COL25A1: variants seen among roughly 807,000 people sequenced by gnomAD.
COL25A1 encodes collagen alpha-1(XXV) chain.
COL25A1 carries 103 observed loss-of-function variants against 128.4 expected under a neutral mutation model. The ratio of observed to expected loss-of-function variants is 0.80; its 90% CI spans 0.68 to 0.94. The LOEUF (loss-of-function observed/expected upper bound fraction) is 0.94, where lower values mean the gene tolerates loss of function less well. Ranked by LOEUF, COL25A1 falls within the 40% of genes least tolerant of loss-of-function variation. The pLI, the probability that COL25A1 is intolerant of heterozygous loss-of-function variation, is 0.00. For synonymous variants in COL25A1, 279 were observed against 277.2 expected (o/e 1.01, Z -0.06); for missense variants, 745 against 840.0 (o/e 0.89, Z 1.40).
intron 3 of COL25A1, among the ~76,000 whole-genome samples, chr4:109,206,180 T>C (rs1776978977): frequency 6.6e-6 from 1 of 152,216 alleles, no homozygotes; most frequent in Non-Finnish European, 1.5e-5. Context: ...ATCCTTCTAC[T>C]GTACACACCT....
At chr4:109,293,106 G>A (rs576013015) in intron 3 of COL25A1, among the ~76,000 whole-genome samples, 24 of 152,056 alleles carry the variant, frequency 1.6e-4, no homozygotes, top group Admixed American at 1.4e-3. Context: ...CTTAACCTTT[G>A]ACAGCTCCCA....
chr4:109,048,075 G>C, intron 5 of COL25A1, 93 bp downstream of exon 5: 1 of 1,353,208 alleles, frequency 7.4e-7, no homozygotes, highest in Non-Finnish European at 1.1e-6. Context: ...TTTTCTAATA[G>C]ACATAGAGAC....
intron 3 of COL25A1, among the ~76,000 whole-genome samples, chr4:109,111,918 C>T (rs1424651092): frequency 6.6e-6 from 1 of 152,036 alleles, no homozygotes; most frequent in Non-Finnish European, 1.5e-5. Flanking sequence ...TAGCATTTTT[C>T]TCCAGTGAAT....
chr4:109,099,036 C>A (rs534010180), intron 3 of COL25A1, among the ~76,000 whole-genome samples: 114 of 152,294 alleles, frequency 7.5e-4, no homozygotes, highest in African/African-American at 2.7e-3. Context: ...GCATTCAGGG[C>A]ATGTAGGGCA....
intron 11 of COL25A1, among the ~76,000 whole-genome samples, chr4:108,922,214 C>T (rs1745568749): frequency 6.6e-6 from 1 of 152,040 alleles, no homozygotes; most frequent in Non-Finnish European, 1.5e-5. Context: ...AGTAAATGTT[C>T]GTGCTAAGTA....
chr4:109,229,021 G>C (rs1401772695), intron 3 of COL25A1, among the ~76,000 whole-genome samples: 2 of 152,140 alleles, frequency 1.3e-5, no homozygotes, highest in Non-Finnish European at 2.9e-5. Flanking sequence ...CAGATCTAGA[G>C]AAGTAGCAAA....
intron 3 of COL25A1, among the ~76,000 whole-genome samples, chr4:109,179,816 G>A (rs541758694): frequency 6.6e-6 from 1 of 152,230 alleles, no homozygotes; most frequent in East Asian, 1.9e-4. Flanking sequence ...TATGTTTCTT[G>A]TTATTTAATC....
chr4:109,069,966 TA>T (rs1267873618), intron 3 of COL25A1, among the ~76,000 whole-genome samples: 1 of 82,694 alleles, frequency 1.2e-5, no homozygotes, highest in African/African-American at 3.6e-5. Context: ...AGAAGAGCAA[TA>T]ATTTTTTTTT....
chr4:109,212,580 A>T (rs1432073763), intron 3 of COL25A1, among the ~76,000 whole-genome samples: 1 of 152,156 alleles, frequency 6.6e-6, no homozygotes, highest in African/African-American at 2.4e-5. Flanking sequence ...ACTCCATTTC[A>T]TGATATGAAG....
chr4:108,909,109 A>G (rs978839252), intron 13 of COL25A1, among the ~76,000 whole-genome samples: 20 of 152,170 alleles, frequency 1.3e-4, no homozygotes, highest in African/African-American at 4.3e-4. Context: ...TTCATTTTAC[A>G]AGAACAGTTT....
intron 3 of COL25A1, among the ~76,000 whole-genome samples, chr4:109,063,916 C>T (rs1379773071): frequency 1.3e-5 from 2 of 152,072 alleles, no homozygotes; most frequent in African/African-American, 2.4e-5. Flanking sequence ...ACTAACCTGG[C>T]AGGAATTAGG....
chr4:109,299,444 CA>C (rs1715909568), intron 3 of COL25A1, among the ~76,000 whole-genome samples: 1 of 152,056 alleles, frequency 6.6e-6, no homozygotes, highest in African/African-American at 2.4e-5. Context: ...CTATTATGTT[CA>C]AAAATTTAAC....
At chr4:108,943,814 T>C (rs1294680493) in intron 8 of COL25A1, among the ~76,000 whole-genome samples, 1 of 124,572 alleles carries the variant, frequency 8.0e-6, no homozygotes, top group Non-Finnish European at 1.7e-5. Flanking sequence ...AGCCTTTTAT[T>C]CCTTTTTTTC....
chr4:109,011,055 A>G lies in COL25A1; in HGVS notation c.421-680T>C, dbSNP rs2126045767. ...TGTCATTTTCTTATTTAAGCTGATC[A>G]AAAATTTCAAAGCAGTATAACTGTA... On this transcript the variant is annotated intron_variant, in intron 5 of 37. Transcript: ENST00000399132. 2.6e-5 allele frequency among the ~76,000 whole-genome samples: 4 copies of G among 152,340 alleles called. No homozygotes were observed. The Middle Eastern group carries it at 0.01, about 389-fold the overall frequency.
At chr4:108,886,492 G>GTGTGTTTTTTTTTTTT (rs58157157) in intron 18 of COL25A1, among the ~76,000 whole-genome samples, 2 of 109,246 alleles carry the variant, frequency 1.8e-5, no homozygotes, top group African/African-American at 8.0e-5. Context: ...GTGTGTGTGT[G>GTGTGTTTTTTTTTTTT]TTTAGCTCAT....
At chr4:108,959,588 T>C (rs1336434012) in intron 8 of COL25A1, among the ~76,000 whole-genome samples, 1 of 152,208 alleles carries the variant, frequency 6.6e-6, no homozygotes, top group Non-Finnish European at 1.5e-5. Context: ...TGTTGGCACA[T>C]GCCATTACAT....
chr4:109,283,988 A>C (rs1723627338), intron 3 of COL25A1, among the ~76,000 whole-genome samples: 1 of 152,244 alleles, frequency 6.6e-6, no homozygotes, highest in African/African-American at 2.4e-5. Flanking sequence ...TTTGGAAAAC[A>C]TGCTGTATTA....
chr4:109,300,944 G>C (rs1399628036), intron 2 of COL25A1, among the ~76,000 whole-genome samples: 1 of 152,148 alleles, frequency 6.6e-6, no homozygotes, highest in Non-Finnish European at 1.5e-5. Context: ...TAAAAACCTA[G>C]CACTAAAATG....
intron 5 of COL25A1, among the ~76,000 whole-genome samples, chr4:109,029,641 T>C (rs1034666807): frequency 9.2e-5 from 14 of 152,176 alleles, no homozygotes; most frequent in African/African-American, 3.4e-4. Context: ...GGAAGAAACA[T>C]ATACGTATAG....
Sources: allele counts gnomAD v4.1 joint callset (sites outside exome capture counted in the v4.1 genomes callset), GRCh38; gene constraint gnomAD v4.1.1; transcripts MANE v1.5; gene names NCBI Gene and HGNC (gene_info 2026-07-23, HGNC 2026-07-21).